The following CFAP61 variants were observed in gnomAD, a reference collection of about 807,000 sequenced individuals.
CFAP61 encodes cilia and flagella associated protein 61.
Under a neutral mutation model 135.6 loss-of-function variants are expected in CFAP61, and 107 were observed. The ratio of observed to expected loss-of-function variants is 0.79; its 90% CI spans 0.67 to 0.93. The LOEUF (loss-of-function observed/expected upper bound fraction) is 0.93, where lower values mean the gene tolerates loss of function less well. Among genes scored for constraint, CFAP61 ranks in the 40% least tolerant of loss-of-function variants. The probability of loss-of-function intolerance (pLI) is 0.00; values close to 1 mark genes in which losing one functional copy is unlikely to be tolerated. For synonymous variants in CFAP61, 575 were observed against 578.5 expected (o/e 0.99, Z 0.09); for missense variants, 1,507 against 1,556.2 (o/e 0.97, Z 0.53).
intron 15 of CFAP61, among the ~76,000 whole-genome samples, chr20:20,191,998 A>C (rs893895649): frequency 3.3e-5 from 5 of 152,010 alleles, no homozygotes; most frequent in African/African-American, 1.2e-4. Flanking sequence ...TTGCATTATC[A>C]TGTGCTTTTA....
chr20:20,169,071 CT>C (rs1205968383), intron 12 of CFAP61, among the ~76,000 whole-genome samples: 2 of 152,174 alleles, frequency 1.3e-5, no homozygotes, highest in Admixed American at 6.5e-5. Flanking sequence ...TGCTGAATGA[CT>C]GCCATTGTTT....
rs565301854 is a variant in CFAP61 at position 20,246,010 on chromosome 20, A to C, written c.2061-107A>C. ...GCAAAGAATTAGTAGCTCCAAAAGC[A>C]ATTCAACAGTTGGATGACACGTGAT... is the stretch of plus-strand genomic sequence containing the variant. On this transcript the variant is annotated intron_variant, in intron 18 of 26. Coordinates refer to ENST00000245957, the MANE Select transcript of CFAP61 (RefSeq NM_015585.4). The C allele has an allele frequency of 2.7e-3, 1,913 of 697,252 alleles. 8 individuals carry two copies. The highest frequency in any genetic ancestry group is 5.3e-3 in the Middle Eastern group (16 of 3,026). 43.2% of individuals were successfully genotyped at this position (697,252 alleles called of 1,614,324 possible).
chr20:20,251,588 T>A lies in CFAP61; in HGVS notation c.2160-7T>A, dbSNP rs2050915065. The stretch of plus-strand genomic sequence containing the variant: ...AGATGTCACTTACGGAGCTTCTCTC[T>A]TTGCAGCCACTGTTTTAATGATAAA... On this transcript the variant is annotated splice_polypyrimidine_tract_variant and splice_region_variant and intron_variant, in intron 19 of 26. Transcript: ENST00000245957. The A allele has an allele frequency of 6.2e-7, 1 of 1,613,670 alleles. No homozygotes were observed. The highest frequency in any genetic ancestry group is 8.5e-7 in the Non-Finnish European group (1 of 1,179,812).
chr20:20,339,060 C>A (rs1368140837), intron 25 of CFAP61, among the ~76,000 whole-genome samples: 2 of 152,114 alleles, frequency 1.3e-5, no homozygotes, highest in Non-Finnish European at 2.9e-5. Flanking sequence ...TTTCTCCCAG[C>A]TGTGCAAAAA....
intron 24 of CFAP61, among the ~76,000 whole-genome samples, chr20:20,294,898 G>A (rs2055291054): frequency 6.7e-6 from 1 of 150,266 alleles, no homozygotes; most frequent in Non-Finnish European, 1.5e-5. Flanking sequence ...ACTGCAGTCC[G>A]CAGTCCGGCC....
intron 26 of CFAP61, among the ~76,000 whole-genome samples, chr20:20,346,005 C>T (rs2058619451): frequency 7.2e-6 from 1 of 139,096 alleles, no homozygotes; most frequent in Admixed American, 7.2e-5. Flanking sequence ...GGGTTCACGC[C>T]ATTCTCCTGC....
intron 25 of CFAP61, among the ~76,000 whole-genome samples, chr20:20,320,433 A>ATATG (rs1337634625): frequency 1.0e-5 from 1 of 99,978 alleles, no homozygotes; most frequent in East Asian, 3.2e-4. Context: ...TATATGTAAT[A>ATATG]TAATATATGT....
intron 17 of CFAP61, among the ~76,000 whole-genome samples, chr20:20,222,516 A>G (rs764815809): frequency 4.6e-5 from 7 of 152,160 alleles, no homozygotes; most frequent in Non-Finnish European, 1.0e-4. Context: ...GGAGCTACCA[A>G]ATTGTTCTGA....
intron 1 of CFAP61, among the ~76,000 whole-genome samples, chr20:20,053,083 C>G (rs1017443340): frequency 6.6e-6 from 1 of 152,170 alleles, no homozygotes; most frequent in African/African-American, 2.4e-5. Flanking sequence ...CTTAATTACT[C>G]TAGTTAAATT....
intron 8 of CFAP61, among the ~76,000 whole-genome samples, chr20:20,137,318 T>C (rs2051009404): frequency 6.6e-6 from 1 of 152,200 alleles, no homozygotes; most frequent in African/African-American, 2.4e-5. Flanking sequence ...TCCAGGCCTA[T>C]GTCCTTCCCT....
intron 6 of CFAP61, chr20:20,085,449 CA>C: frequency 1.5e-6 from 2 of 1,365,526 alleles, no homozygotes; most frequent in East Asian, 9.1e-5. Context: ...CCTCTTTATC[CA>C]TTTTGGGAAA....
rs563112764 is a variant in CFAP61, at chr20:20,095,291, G to A, written c.700-3364G>A. On this transcript the variant is annotated intron_variant, in intron 7 of 26. Transcript: ENST00000245957. ...AGAAATCGGCAAATGCTACAGATCT[G>A]GGCTTTTCCCCCGCAAATGCTGATT... Among the ~76,000 whole-genome samples the A allele has an allele frequency of 6.6e-5, 10 of 152,266 alleles. No homozygotes were observed. In the South Asian group the frequency reaches 2.1e-3, roughly 32 times the overall value.
intron 18 of CFAP61, among the ~76,000 whole-genome samples, chr20:20,240,975 A>G (rs996709657): frequency 1.2e-4 from 18 of 152,192 alleles, no homozygotes; most frequent in African/African-American, 4.1e-4. Context: ...GAAGCAGAGA[A>G]GCAGGTCATG....
At chr20:20,341,786 A>T in intron 25 of CFAP61, 45 bp from the exon 26 acceptor site, 1 of 1,343,844 alleles carries the variant, frequency 7.4e-7, no homozygotes, top group Non-Finnish European at 1.1e-6. Context: ...TATTAGTGGT[A>T]ATGAGAGGGT....
intron 6 of CFAP61, among the ~76,000 whole-genome samples, chr20:20,087,844 G>T (rs956289803): frequency 1.1e-4 from 16 of 151,738 alleles, no homozygotes; most frequent in Non-Finnish European, 1.9e-4. Context: ...CCCCGCTCAG[G>T]CTGTGACCAC....
chr20:20,157,285 C>A (rs2052998078), intron 9 of CFAP61, among the ~76,000 whole-genome samples: 1 of 152,204 alleles, frequency 6.6e-6, no homozygotes, highest in African/African-American at 2.4e-5. Flanking sequence ...GTTGGCCAGG[C>A]TGGTCTTGAA....
intron 25 of CFAP61, among the ~76,000 whole-genome samples, chr20:20,334,114 T>A (rs911295919): frequency 7.2e-5 from 11 of 152,132 alleles, no homozygotes; most frequent in Admixed American, 2.6e-4. Flanking sequence ...GCACCTAGTT[T>A]TAAGCAATGT....
At chr20:20,289,596 A>G (rs1041792752) in intron 23 of CFAP61, among the ~76,000 whole-genome samples, 9 of 152,098 alleles carry the variant, frequency 5.9e-5, no homozygotes, top group African/African-American at 2.2e-4. Flanking sequence ...CTGTACATAG[A>G]CCCCCAGGGT....
chr20:20,318,407 A>G (rs553970493), intron 25 of CFAP61, among the ~76,000 whole-genome samples: 1 of 152,356 alleles, frequency 6.6e-6, no homozygotes, highest in Non-Finnish European at 1.5e-5. Context: ...CTTCTTGGTC[A>G]TAAGCATTAG....
Sources: allele counts gnomAD v4.1 joint callset (sites outside exome capture counted in the v4.1 genomes callset), GRCh38; gene constraint gnomAD v4.1.1; transcripts MANE v1.5; gene names NCBI Gene and HGNC (gene_info 2026-07-23, HGNC 2026-07-21).